FBXO25: variants seen among roughly 807,000 people sequenced by gnomAD.
The protein encoded by FBXO25 is F-box protein 25, also known as F-box only protein 25.
In FBXO25, 45 loss-of-function variants were observed where a neutral mutation model predicts 51.9. That is an observed-to-expected ratio of 0.87 (90% CI 0.68 to 1.11). The LOEUF (loss-of-function observed/expected upper bound fraction) is 1.11, where lower values mean the gene tolerates loss of function less well. Ranked by LOEUF, FBXO25 falls within the 50% of genes most tolerant of loss-of-function variation. The pLI, the probability that FBXO25 is intolerant of heterozygous loss-of-function variation, is 0.00. For synonymous variants in FBXO25, 199 were observed against 151.0 expected (o/e 1.32, Z -2.33); for missense variants, 507 against 428.5 (o/e 1.18, Z -1.62).
At position 474,761 on chromosome 8, in the gene FBXO25, C is replaced by A. The variant is rs1238914329; in HGVS notation, c.*5957C>A. 1 of 456,546 alleles carries A rather than the reference C, an allele frequency of 2.2e-6. No homozygotes were observed. Among genetic ancestry groups the A allele is most frequent in the Non-Finnish European group, 4.4e-6 (1 of 226,968 alleles). 28.3% of individuals were successfully genotyped at this position (456,546 alleles called of 1,614,324 possible). On this transcript the variant is annotated 3_prime_UTR_variant, in exon 10 of 10. Transcript: ENST00000350302. ...GGGTATTCACCCTTTTCAGATATATCATTTTAAAATACTTTGTCCCATTCC... is the reference window on the plus strand; with the variant it reads ...GGGTATTCACCCTTTTCAGATATATAATTTTAAAATACTTTGTCCCATTCC...
At chr8:428,464 G>C (rs1243746683) in intron 2 of FBXO25, among the ~76,000 whole-genome samples, 2 of 146,912 alleles carry the variant, frequency 1.4e-5, no homozygotes, top group Non-Finnish European at 1.5e-5. Flanking sequence ...ATGCACCTCA[G>C]ACAGCATGAA....
At chr8:422,832 G>A (rs1055075100) in intron 2 of FBXO25, among the ~76,000 whole-genome samples, 1 of 152,166 alleles carries the variant, frequency 6.6e-6, no homozygotes, top group Admixed American at 6.5e-5. Flanking sequence ...CCTCCCTGGT[G>A]ATTGACTTAA....
chr8:410,680 G>T (rs1487970225), intron 1 of FBXO25, among the ~76,000 whole-genome samples: 2 of 152,164 alleles, frequency 1.3e-5, no homozygotes, highest in East Asian at 3.8e-4. Flanking sequence ...CTGAACATGG[G>T]CATTGAGTTT....
intron 9 of FBXO25, among the ~76,000 whole-genome samples, chr8:466,231 G>A (rs919858889): frequency 2.0e-5 from 3 of 152,224 alleles, no homozygotes; most frequent in South Asian, 2.1e-4. Flanking sequence ...CTCCTCCGCC[G>A]TGGGTTTGCC....
rs61060545 is a variant in FBXO25 at position 476,993 on chromosome 8, T to TTTAAGTTTAAG, written c.*8191_*8192insAAGTTTAAGTT. The TTTAAGTTTAAG allele has an allele frequency of 1.5e-3, 235 of 151,996 alleles. 1 individual carries two copies. The highest frequency in any genetic ancestry group is 5.5e-3 in the African/African-American group (228 of 41,384). 9.4% of individuals were successfully genotyped at this position (151,996 alleles called of 1,614,324 possible). On this transcript the variant is annotated 3_prime_UTR_variant, in exon 10 of 10. Transcript: ENST00000350302. Reference sequence around the variant, plus strand: ...TGTACCTGTTTTTTTGTATATTACATTTTTCATTTACCACAAGATATTTTC... The same window carrying TTTAAGTTTAAG: ...TGTACCTGTTTTTTTGTATATTACATTTAAGTTTAAGTTTTCATTTACCACAAGATATTTTC...
chr8:468,967 T>C lies in FBXO25; in HGVS notation c.*163T>C. ...CAAAGGGGGGACTGCATGGTTGCAT[T>C]TTCATCACTGAAAGTCAGAGGCCAA... On this transcript the variant is annotated 3_prime_UTR_variant, in exon 10 of 10. Coordinates refer to ENST00000350302, the MANE Select transcript of FBXO25 (RefSeq NM_183420.2). The C allele has an allele frequency of 1.7e-6, 1 of 593,238 alleles. No homozygotes were observed. Among genetic ancestry groups the C allele is most frequent in the Non-Finnish European group, 2.9e-6 (1 of 345,716 alleles). The allele number at this position is 593,238 out of a possible 1,614,324, so 36.7% of individuals were successfully genotyped here.
At chr8:459,522 T>A (rs1027560774) in intron 8 of FBXO25, among the ~76,000 whole-genome samples, 3 of 152,174 alleles carry the variant, frequency 2.0e-5, no homozygotes, top group Admixed American at 6.5e-5. Context: ...CCTCTGTTCT[T>A]GTTTGAGGAC....
intron 1 of FBXO25, among the ~76,000 whole-genome samples, chr8:409,322 C>G (rs1293012939): frequency 6.6e-6 from 1 of 152,168 alleles, no homozygotes; most frequent in Non-Finnish European, 1.5e-5. Context: ...TTCAGAGAAA[C>G]AAATCTTTTC....
intron 2 of FBXO25, among the ~76,000 whole-genome samples, chr8:423,585 G>A (rs1336578860): frequency 6.6e-6 from 1 of 152,164 alleles, no homozygotes; most frequent in Non-Finnish European, 1.5e-5. Flanking sequence ...TTAGAATTAA[G>A]TCAAGCTCCA....
chr8:441,178 A>G (rs1040687498), intron 5 of FBXO25, among the ~76,000 whole-genome samples: 32 of 152,112 alleles, frequency 2.1e-4, no homozygotes, highest in African/African-American at 7.5e-4. Context: ...ATATAGACCA[A>G]TGGAACAGAA....
rs1426883581 is a variant in FBXO25 at position 475,096 on chromosome 8, C to G, written c.*6292C>G. 7 of 369,972 alleles carry G rather than the reference C, an allele frequency of 1.9e-5. No homozygotes were observed. Among genetic ancestry groups the G allele is most frequent in the African/African-American group, 4.3e-5 (2 of 46,928 alleles). 22.9% of individuals were successfully genotyped at this position (369,972 alleles called of 1,614,324 possible). A position where few individuals can be genotyped will look rare whatever the true frequency, so the allele number is the denominator to read the frequency against. ...TTTCTCCTAAATGTTTTAGTTTTAG[C>G]TCTTAGTTTAGGCCTTTGATCTATT... On this transcript the variant is annotated 3_prime_UTR_variant, in exon 10 of 10. Transcript: ENST00000350302.
At chr8:456,861 G>A (rs532354270) in intron 7 of FBXO25, among the ~76,000 whole-genome samples, 460 of 152,310 alleles carry the variant, frequency 3.0e-3, no homozygotes, top group African/African-American at 0.01. Context: ...CTTCCATAGC[G>A]AGGACATTAT....
chr8:460,155 A>G (rs1032495906), intron 8 of FBXO25, among the ~76,000 whole-genome samples: 5 of 152,160 alleles, frequency 3.3e-5, no homozygotes, highest in South Asian at 2.1e-4. Context: ...TATCACGTGC[A>G]GGCCCGAGCT....
Position 474,350 on chromosome 8 carries a change from C to CT in FBXO25, c.*5548dup, listed in dbSNP as rs1800580243. 4.0e-6 allele frequency: 1 copy of CT among 252,300 alleles called. No homozygotes were observed. The highest frequency in any genetic ancestry group is 5.2e-5 in the Admixed American group (1 of 19,082). 15.6% of individuals were successfully genotyped at this position (252,300 alleles called of 1,614,324 possible). On this transcript the variant is annotated 3_prime_UTR_variant, in exon 10 of 10. Coordinates refer to ENST00000350302, the MANE Select transcript of FBXO25 (RefSeq NM_183420.2). ...TTTGTGTACTCATCTGTTGAGGACA[C>CT]TTGAGTTGCTTCCACCTTTTAGCTA...
chr8:419,075 A>G (rs1344354320), intron 2 of FBXO25, among the ~76,000 whole-genome samples: 1 of 152,228 alleles, frequency 6.6e-6, no homozygotes, highest in Non-Finnish European at 1.5e-5. Flanking sequence ...AAGTCAGAGC[A>G]ACGGCTGGGC....
At chr8:440,979 G>A (rs1047186683) in intron 5 of FBXO25, among the ~76,000 whole-genome samples, 20 of 147,280 alleles carry the variant, frequency 1.4e-4, no homozygotes, top group African/African-American at 4.8e-4. Flanking sequence ...CCTTTATCCA[G>A]TCTATCACTG....
chr8:413,682 C>T (rs888981027), intron 2 of FBXO25, among the ~76,000 whole-genome samples: 3 of 152,234 alleles, frequency 2.0e-5, no homozygotes. Context: ...GCCTTACCTG[C>T]ATGGTCCAAA....
At chr8:409,632 T>C (rs1245629619) in intron 1 of FBXO25, among the ~76,000 whole-genome samples, 1 of 152,056 alleles carries the variant, frequency 6.6e-6, no homozygotes, top group Non-Finnish European at 1.5e-5. Context: ...GTAAGTACAA[T>C]ATTTGTGTGT....
In FBXO25 at chr8:414,600, G is replaced by GT. The variant is rs1007508696; in HGVS notation, c.134+1396dup. Among the ~76,000 whole-genome samples, 22 of 150,964 alleles carry GT rather than the reference G, an allele frequency of 1.5e-4. 1 individual carries two copies. The highest frequency in any genetic ancestry group is 8.4e-4 in the South Asian group (4 of 4,748). ...AACACATTTTAAATGTCTGAGAATT[G>GT]TTTTTTTTTCCGCTGCACACATAAA... On this transcript the variant is annotated intron_variant, in intron 2 of 9. Coordinates refer to ENST00000350302, the MANE Select transcript of FBXO25 (RefSeq NM_183420.2).
Sources: allele counts gnomAD v4.1 joint callset (sites outside exome capture counted in the v4.1 genomes callset), GRCh38; gene constraint gnomAD v4.1.1; transcripts MANE v1.5; gene names NCBI Gene and HGNC (gene_info 2026-07-23, HGNC 2026-07-21).